Variants in FLNB observed in about 807,000 individuals in gnomAD.
The protein encoded by FLNB is filamin B.
A neutral mutation model predicts 250.6 loss-of-function variants in FLNB; 111 were observed. The ratio of observed to expected loss-of-function variants is 0.44; its 90% CI spans 0.38 to 0.52. The LOEUF is 0.52. Among genes scored for constraint, FLNB ranks in the 20% least tolerant of loss-of-function variants. The pLI is 0.00. For missense variants in FLNB, 2,869 were observed against 3,447.8 expected, an observed-to-expected ratio of 0.83 and a Z score of 4.20; for synonymous variants, 1,302 against 1,372.1, an observed-to-expected ratio of 0.95 and a Z score of 1.13.
chr3:58,166,396 C>T (rs1462279212), intron 43 of FLNB, among the ~76,000 whole-genome samples: 1 of 151,990 alleles, frequency 6.6e-6, no homozygotes, highest in African/African-American at 2.4e-5. Context: ...TTGAGACCAG[C>T]CTGGGTGACA....
At chr3:58,023,647 G>T (rs1052903737) in intron 1 of FLNB, among the ~76,000 whole-genome samples, 1 of 152,122 alleles carries the variant, frequency 6.6e-6, no homozygotes, top group Non-Finnish European at 1.5e-5. Flanking sequence ...TCATACTGAT[G>T]GTTATAACAA....
chr3:58,115,534 G>T (rs77527258), intron 18 of FLNB, among the ~76,000 whole-genome samples: 10,481 of 152,266 alleles, frequency 0.069, 416 homozygotes, highest in Non-Finnish European at 0.079. Flanking sequence ...CAGAAGTGGA[G>T]ATTAGGAGCC....
In FLNB at chr3:58,114,717, T is replaced by G. The variant is rs10222364; in HGVS notation, c.2745+2399T>G. On this transcript the variant is annotated intron_variant, in intron 18 of 45. Coordinates refer to ENST00000295956, the MANE Select transcript of FLNB (RefSeq NM_001457.4). Reference sequence around the variant, plus strand: ...ATTTGTTTTTTTTCTGTTTTTTTTTTTTGTTGTTGTTGTTGTTGTTGATAG... The same window carrying G: ...ATTTGTTTTTTTTCTGTTTTTTTTTGTTGTTGTTGTTGTTGTTGTTGATAG... Among the ~76,000 whole-genome samples the G allele has an allele frequency of 8.8e-3, 1,325 of 150,562 alleles. 20 individuals are homozygous for G. The highest frequency in any genetic ancestry group is 0.029 in the African/African-American group (1,200 of 40,926).
At chr3:58,118,834 G>A in intron 18 of FLNB, 38 bp from the exon 19 acceptor site, 1 of 1,513,852 alleles carries the variant, frequency 6.6e-7, no homozygotes, top group Non-Finnish European at 9.2e-7. Flanking sequence ...TAGCTTTTTG[G>A]TACCCAAAGG....
chr3:58,109,139 G>A, intron 13 of FLNB, 40 bp from the exon 14 acceptor site: 1 of 1,614,014 alleles, frequency 6.2e-7, no homozygotes, highest in East Asian at 2.2e-5. Context: ...TAGAGACAGT[G>A]TGAGGGCCAC....
At chr3:58,044,589 C>T (rs1368528897) in intron 1 of FLNB, among the ~76,000 whole-genome samples, 3 of 152,240 alleles carry the variant, frequency 2.0e-5, no homozygotes, top group East Asian at 3.9e-4. Context: ...CACACCTCTG[C>T]GCTCCAGCCT....
chr3:58,108,094 A>G (rs530254672), intron 12 of FLNB, among the ~76,000 whole-genome samples: 1 of 152,212 alleles, frequency 6.6e-6, no homozygotes, highest in Non-Finnish European at 1.5e-5. Context: ...CACATAAAAT[A>G]CTAATGATAG....
Position 58,135,347 on chromosome 3 carries a change from C to T in FLNB, c.4671+575C>T, listed in dbSNP as rs116080407. Among the ~76,000 whole-genome samples the T allele has an allele frequency of 3.6e-3, 545 of 152,348 alleles. 6 individuals are homozygous for T. The highest frequency in any genetic ancestry group is 0.013 in the African/African-American group (522 of 41,580). ...CAAGGAAGTCAGCTCCATCTCTCTG[C>T]TCCTCTACCTAGCATGTGGCTTCTG... On this transcript the variant is annotated intron_variant, in intron 27 of 45. Coordinates refer to ENST00000295956, the MANE Select transcript of FLNB (RefSeq NM_001457.4).
intron 25 of FLNB, 119 bp downstream of exon 25, chr3:58,131,027 A>G: frequency 1.0e-6 from 1 of 974,928 alleles, no homozygotes; most frequent in East Asian, 2.7e-5. Context: ...AATTAAAAAA[A>G]ATTATTGTTT....
chr3:58,085,072 C>T (rs779703716), intron 4 of FLNB, among the ~76,000 whole-genome samples: 3 of 152,146 alleles, frequency 2.0e-5, no homozygotes, highest in African/African-American at 4.8e-5. Context: ...CTTATACATT[C>T]GTCTGCTGAT....
intron 29 of FLNB, among the ~76,000 whole-genome samples, chr3:58,139,707 GTCCTT>G (rs1188197281): frequency 2.0e-5 from 3 of 152,184 alleles, no homozygotes; most frequent in African/African-American, 7.2e-5. Flanking sequence ...GGAAGTTGAT[GTCCTT>G]ATTCACAGAG....
At position 58,121,448 on chromosome 3, in the gene FLNB, C is replaced by T. The variant is rs1333479034; in HGVS notation, c.3071C>T (p.Pro1024Leu). 2 of 1,614,140 alleles carry T rather than the reference C, an allele frequency of 1.2e-6. No homozygotes were observed. Among genetic ancestry groups the T allele is most frequent in the East Asian group, 4.5e-5 (2 of 44,888 alleles). ...YAVDVTYDGHPVPGSPYTVEA... is the reference protein window; with the variant it reads ...YAVDVTYDGHLVPGSPYTVEA... ...GTAGACGTGACCTACGATGGACACC[C>T]TGTGCCCGGGAGCCCCTACACAGTG... The change falls in exon 20 of 46, where the codon CCT becomes CTT. Residue 1024 changes from proline to leucine, a missense_variant. Coordinates refer to ENST00000295956, the MANE Select transcript of FLNB (RefSeq NM_001457.4).
intron 24 of FLNB, among the ~76,000 whole-genome samples, chr3:58,130,420 C>T (rs114418922): frequency 2.9e-3 from 444 of 152,232 alleles, no homozygotes; most frequent in African/African-American, 0.01. Context: ...CTGAGTGCTC[C>T]ACCTTCCACA....
chr3:58,092,840 C>T (rs950769561), intron 4 of FLNB, among the ~76,000 whole-genome samples: 8 of 152,186 alleles, frequency 5.3e-5, no homozygotes, highest in African/African-American at 1.9e-4. Flanking sequence ...CTCAGTATTT[C>T]GCTTCCGGTC....
chr3:58,040,374 A>G (rs1168039512), intron 1 of FLNB, among the ~76,000 whole-genome samples: 1 of 151,796 alleles, frequency 6.6e-6, no homozygotes, highest in Non-Finnish European at 1.5e-5. Context: ...TTTGCATCTT[A>G]CTCTTATGGA....
At chr3:58,073,810 G>T (rs996350448) in intron 1 of FLNB, among the ~76,000 whole-genome samples, 3 of 152,208 alleles carry the variant, frequency 2.0e-5, no homozygotes, top group African/African-American at 7.2e-5. Context: ...CCATTTCTGT[G>T]TGATTGTCCC....
At chr3:58,146,738 C>T in intron 33 of FLNB, 82 bp from the exon 34 acceptor site, 3 of 1,459,326 alleles carry the variant, frequency 2.1e-6, no homozygotes, top group Non-Finnish European at 2.9e-6. Context: ...TCAGGGCTGC[C>T]CTGGATGAGT....
Position 58,096,265 on chromosome 3 carries a change from G to A in FLNB, c.984+47G>A, listed in dbSNP as rs191626739. The A allele has an allele frequency of 1.8e-4, 234 of 1,318,932 alleles. No individual in the cohort carries two copies. In the African/African-American group the frequency reaches 3.1e-3, roughly 18 times the overall value. 81.7% of individuals were successfully genotyped at this position (1,318,932 alleles called of 1,614,324 possible). A position where few individuals can be genotyped will look rare whatever the true frequency, so the allele number is the denominator to read the frequency against. On this transcript the variant is annotated intron_variant, in intron 6 of 45. Coordinates refer to ENST00000295956, the MANE Select transcript of FLNB (RefSeq NM_001457.4). ...GTGGCTTGGGCTGCTCTGGGGCTAGGAGAAGAAAGATAGCCCAGGAAGAAG... is the reference window on the plus strand; with the variant it reads ...GTGGCTTGGGCTGCTCTGGGGCTAGAAGAAGAAAGATAGCCCAGGAAGAAG...
chr3:58,126,142 C>T (rs545896965), intron 23 of FLNB, among the ~76,000 whole-genome samples: 6 of 152,252 alleles, frequency 3.9e-5, no homozygotes, highest in South Asian at 2.1e-4. Context: ...TTCAGGTGGC[C>T]GAGACGGGAC....
Sources: gnomAD v4.1 joint callset for allele counts (sites outside exome capture counted in the v4.1 genomes callset) on GRCh38, gnomAD v4.1.1 for gene constraint, MANE v1.5 for transcripts, NCBI Gene and HGNC (gene_info 2026-07-23, HGNC 2026-07-21) for gene names.